The following GNS variants were observed in gnomAD, a reference collection of about 807,000 sequenced individuals.
The protein encoded by GNS is N-acetylglucosamine-6-sulfatase.
In GNS, 40 loss-of-function variants were observed where a neutral mutation model predicts 69.7. The ratio of observed to expected loss-of-function variants is 0.57; its 90% confidence interval spans 0.45 to 0.75. The LOEUF is 0.75. Among genes scored for constraint, GNS ranks in the 30% least tolerant of loss-of-function variants. The pLI is 0.00. For missense variants in GNS, 565 were observed against 685.5 expected (o/e 0.82, Z 1.96); for synonymous variants, 243 against 251.6 (o/e 0.97, Z 0.32).
intron 1 of GNS, among the ~76,000 whole-genome samples, chr12:64,753,516 T>C (rs1393338178): frequency 2.6e-5 from 4 of 152,206 alleles, no homozygotes; most frequent in Admixed American, 6.5e-5. Flanking sequence ...AAAAGCACCA[T>C]TGAAGAGGTC....
chr12:64,730,674 A>G (rs548193184), intron 9 of GNS, among the ~76,000 whole-genome samples: 1 of 152,214 alleles, frequency 6.6e-6, no homozygotes, highest in Non-Finnish European at 1.5e-5. Context: ...GGGATGATAC[A>G]AGACCCACTG....
rs1338298520 is a variant in GNS at position 64,716,357 on chromosome 12, G to C, written c.*384C>G. The C allele has an allele frequency of 3.3e-6, 1 of 301,120 alleles. No homozygotes were observed. The highest frequency in any genetic ancestry group is 2.1e-5 in the African/African-American group (1 of 46,536). 18.7% of individuals were successfully genotyped at this position (301,120 alleles called of 1,614,324 possible). A position where few individuals can be genotyped will look rare whatever the true frequency, so the allele number is the denominator to read the frequency against. On this transcript the variant is annotated 3_prime_UTR_variant, in exon 14 of 14. Coordinates refer to ENST00000258145, the MANE Select transcript of GNS (RefSeq NM_002076.4). ...TTAGGTCAAGCTTACATATCAAAAG[G>C]TGTGTCTGTGTGTTTGTGTGTGTCC...
intron 2 of GNS, among the ~76,000 whole-genome samples, chr12:64,748,762 C>A (rs534961338): frequency 6.6e-6 from 1 of 152,140 alleles, no homozygotes; most frequent in East Asian, 1.9e-4. Context: ...CATCACCAAG[C>A]CACTTCACAG....
chr12:64,746,709 CTCT>C (rs1168684788), intron 3 of GNS, among the ~76,000 whole-genome samples: 1 of 152,206 alleles, frequency 6.6e-6, no homozygotes, highest in Non-Finnish European at 1.5e-5. Flanking sequence ...TTAACGATCT[CTCT>C]TAATTTTATA....
At chr12:64,745,842 T>G in intron 3 of GNS, 118 bp from the exon 4 acceptor site, 1 of 729,566 alleles carries the variant, frequency 1.4e-6, no homozygotes, top group Admixed American at 2.0e-5. Context: ...GGTACCTAAT[T>G]TCCCCAAATA....
Position 64,756,761 on chromosome 12 carries a change from G to C in GNS, c.192+2324C>G, listed in dbSNP as rs7139322. 1.0e-3 allele frequency: 1,541 copies of C among 1,483,234 alleles called. 14 individuals carry two copies. In the African/African-American group the frequency reaches 0.011, roughly 11 times the overall value. 91.9% of individuals were successfully genotyped at this position (1,483,234 alleles called of 1,614,324 possible). ...ATTAGTGGTAGAATATTCTGAAAAAGCCTAGAAGAGAAGCCAGAATTCTTG... is the reference window on the plus strand; with the variant it reads ...ATTAGTGGTAGAATATTCTGAAAAACCCTAGAAGAGAAGCCAGAATTCTTG... On this transcript the variant is annotated intron_variant, in intron 1 of 13. Coordinates refer to ENST00000258145, the MANE Select transcript of GNS (RefSeq NM_002076.4).
intron 10 of GNS, among the ~76,000 whole-genome samples, chr12:64,723,717 C>G (rs1869106094): frequency 6.6e-6 from 1 of 152,198 alleles, no homozygotes; most frequent in Non-Finnish European, 1.5e-5. Context: ...GAGAAAGAAT[C>G]TAGGAACGGG....
chr12:64,753,229 C>G (rs879865739), intron 1 of GNS, among the ~76,000 whole-genome samples: 1 of 152,156 alleles, frequency 6.6e-6, no homozygotes, highest in Non-Finnish European at 1.5e-5. Context: ...CAGACACACA[C>G]TGTTCAACTA....
At chr12:64,737,942 G>A (rs1467573369) in intron 8 of GNS, among the ~76,000 whole-genome samples, 1 of 151,994 alleles carries the variant, frequency 6.6e-6, no homozygotes, top group Non-Finnish European at 1.5e-5. Context: ...ACTTCTCCCT[G>A]TAAATTCGTG....
chr12:64,730,874 A>G (rs956854070), intron 9 of GNS, among the ~76,000 whole-genome samples: 1 of 152,208 alleles, frequency 6.6e-6, no homozygotes, highest in Non-Finnish European at 1.5e-5. Context: ...ACAGATCTTC[A>G]GTGATATCTG....
At position 64,743,116 on chromosome 12, in the gene GNS, G is replaced by C. The variant is rs79809746; in HGVS notation, c.792+25C>G. On this transcript the variant is annotated intron_variant, in intron 6 of 13. Transcript: ENST00000258145. ...ATAGTTAATGATACTTAGTATGGCTGAATACAAGTGGTGGGGGAAGCTACC... is the reference window on the plus strand; with the variant it reads ...ATAGTTAATGATACTTAGTATGGCTCAATACAAGTGGTGGGGGAAGCTACC... 1,386 of 1,563,450 alleles carry C rather than the reference G, an allele frequency of 8.9e-4. 8 individuals carry two copies. The African/African-American group carries it at 0.017, about 19-fold the overall frequency.
At chr12:64,736,705 T>C (rs982716720) in intron 9 of GNS, among the ~76,000 whole-genome samples, 3 of 152,230 alleles carry the variant, frequency 2.0e-5, no homozygotes, top group African/African-American at 4.8e-5. Flanking sequence ...GAGGGCAATT[T>C]TGATGCACAT....
At position 64,714,702 on chromosome 12, in the gene GNS, T is replaced by C. The variant is rs1343517320; in HGVS notation, c.*2039A>G. The C allele has an allele frequency of 6.6e-6, 1 of 152,150 alleles. No individual in the cohort carries two copies. 9.4% of individuals were successfully genotyped at this position (152,150 alleles called of 1,614,324 possible). On this transcript the variant is annotated 3_prime_UTR_variant, in exon 14 of 14. Transcript: ENST00000258145. Reference sequence around the variant, plus strand: ...GCTCAGGAACAAGCATAAAACTGAATAATATGACATCACAGTCCAAGACCT... The same window carrying C: ...GCTCAGGAACAAGCATAAAACTGAACAATATGACATCACAGTCCAAGACCT...
chr12:64,736,799 T>C (rs1869569082), intron 9 of GNS, among the ~76,000 whole-genome samples: 2 of 152,076 alleles, frequency 1.3e-5, no homozygotes, highest in African/African-American at 4.8e-5. Flanking sequence ...TAATGAGACA[T>C]GTATATGTGG....
intron 10 of GNS, among the ~76,000 whole-genome samples, chr12:64,727,925 GATTT>G (rs929709939): frequency 3.3e-5 from 5 of 152,172 alleles, no homozygotes; most frequent in East Asian, 1.9e-4. Context: ...AAAAAAAAAT[GATTT>G]ATTTATTTAT....
Position 64,721,020 on chromosome 12 carries a change from T to C in GNS, c.1419+575A>G, listed in dbSNP as rs541990178. ...TGAGTCCATTTCTGAGAAACACAGA[T>C]GGGCATCTGTTCCAGATGGTCAGAT... is the stretch of plus-strand genomic sequence containing the variant. On this transcript the variant is annotated intron_variant, in intron 12 of 13. Transcript: ENST00000258145. 3.5e-4 allele frequency among the ~76,000 whole-genome samples: 53 copies of C among 152,318 alleles called. No individual in the cohort carries two copies. In the South Asian group the frequency reaches 0.011, roughly 31 times the overall value.
rs1309468938 is a variant in GNS at position 64,720,170 on chromosome 12, C to G, written c.1432G>C (p.Val478Leu). The G allele has an allele frequency of 6.3e-7, 1 of 1,597,018 alleles. No individual in the cohort carries two copies. The highest frequency in any genetic ancestry group is 8.6e-7 in the Non-Finnish European group (1 of 1,164,870). Residue 478 changes from valine (V) to leucine (L), a missense_variant, in exon 13 of 14, where the codon GTC (valine) becomes CTC (leucine). Val to Leu is a conservative substitution (Grantham distance 32). Around this residue, in one of 2 missense-constraint regions of GNS, gnomAD observed 384 missense variants for 511.0 expected, o/e 0.75. Transcript: ENST00000258145. ...TCTGGGTCTGCAGTCAGATTATAGA[C>G]TTCTACAAACACCTAGAGGACATGA... ...EFDDQEVFVE[V>L]YNLTADPDQI...
intron 8 of GNS, 92 bp from the exon 9 acceptor site, chr12:64,737,199 A>C: frequency 1.3e-6 from 1 of 779,634 alleles, no homozygotes. Context: ...CCAAAACTAA[A>C]ACAACTTTGT....
intron 8 of GNS, among the ~76,000 whole-genome samples, chr12:64,738,663 A>G (rs1811404800): frequency 6.6e-6 from 1 of 151,976 alleles, no homozygotes; most frequent in Non-Finnish European, 1.5e-5. Context: ...AAATACAAAA[A>G]TTGGCCAGGC....
Sources: allele counts gnomAD v4.1 joint callset (sites outside exome capture counted in the v4.1 genomes callset), GRCh38; gene constraint gnomAD v4.1.1; regional missense constraint gnomAD v4.1.1; transcripts MANE v1.5; gene names NCBI Gene and HGNC (gene_info 2026-07-23, HGNC 2026-07-21).